Variants in C3orf38 observed in about 807,000 individuals in gnomAD.
The protein encoded by C3orf38 is chromosome 3 open reading frame 38, also known as uncharacterized protein C3orf38.
A neutral mutation model predicts 28.3 loss-of-function variants in C3orf38; 18 were observed. The observed-to-expected ratio is 0.64, with a 90% CI of 0.44 to 0.94. C3orf38 has a LOEUF of 0.94. C3orf38 is among the 40% of genes least tolerant of loss of function. C3orf38 has a pLI of 0.00. For synonymous variants in C3orf38, 145 were observed against 138.1 expected, an observed-to-expected ratio of 1.05 and a Z score of -0.35; for missense variants, 364 against 396.4, an observed-to-expected ratio of 0.92 and a Z score of 0.69.
rs540056417 is a variant in C3orf38, at chr3:88,153,483, C to T, written c.375+12C>T. ...ACCTATTTCAACAGGTAAAATAAAT[C>T]TTATGGTTGTATTCTGAACCTTTGT... On this transcript the variant is annotated intron_variant, in intron 2 of 2. Transcript: ENST00000318887. The T allele has an allele frequency of 1.2e-6, 2 of 1,613,196 alleles. No individual in the cohort carries two copies. The highest frequency in any genetic ancestry group is 2.7e-5 in the African/African-American group (2 of 74,954).
chr3:88,151,100 A>G (rs1208904382), intron 1 of C3orf38: 1 of 152,140 alleles, frequency 6.6e-6, no homozygotes, highest in African/African-American at 2.4e-5. Context: ...ATTATAATGG[A>G]TAAAATGCTG....
Position 88,157,398 on chromosome 3 carries a change from C to G in C3orf38, c.*763C>G, listed in dbSNP as rs1340331044. The G allele has an allele frequency of 6.6e-6, 1 of 152,102 alleles. No homozygotes were observed. The highest frequency in any genetic ancestry group is 1.5e-5 in the Non-Finnish European group (1 of 68,008). The allele number at this position is 152,102 out of a possible 1,614,324, so 9.4% of individuals were successfully genotyped here. A position where few individuals can be genotyped will look rare whatever the true frequency, so the allele number is the denominator to read the frequency against. On this transcript the variant is annotated 3_prime_UTR_variant, in exon 3 of 3. Transcript: ENST00000318887. ...GGCTTCAGACAACAGTTTTATAGAG[C>G]AGTTACTGTAATACAATATAAAGGA...
At chr3:88,155,195 A>G (rs1375421872) in intron 2 of C3orf38, among the ~76,000 whole-genome samples, 1 of 152,102 alleles carries the variant, frequency 6.6e-6, no homozygotes, top group Non-Finnish European at 1.5e-5. Context: ...GAGAAATAAT[A>G]GAATAAAATT....
rs536182921 is a variant in C3orf38 at position 88,157,904 on chromosome 3, G to A, written c.*1269G>A. 8 of 152,150 alleles carry A rather than the reference G, an allele frequency of 5.3e-5. No individual in the cohort carries two copies. In the South Asian group the frequency reaches 1.2e-3, roughly 24 times the overall value. The allele number at this position is 152,150 out of a possible 1,614,324, so 9.4% of individuals were successfully genotyped here. On this transcript the variant is annotated 3_prime_UTR_variant, in exon 3 of 3. Transcript: ENST00000318887. ...ATGCTATGCCTCTTACGAGGAATACGAATTGGTATGTCCTAAAATAAGAAC... is the reference window on the plus strand; with the variant it reads ...ATGCTATGCCTCTTACGAGGAATACAAATTGGTATGTCCTAAAATAAGAAC...
chr3:88,156,019 A>G lies in C3orf38; in HGVS notation c.376-2A>G, dbSNP rs1576370646. The G allele has an allele frequency of 2.6e-6, 4 of 1,523,792 alleles. No individual in the cohort carries two copies. Among genetic ancestry groups the G allele is most frequent in the Non-Finnish European group, 3.5e-6 (4 of 1,137,674 alleles). 94.4% of individuals were successfully genotyped at this position (1,523,792 alleles called of 1,614,324 possible). On this transcript the variant is annotated splice_acceptor_variant, in intron 2 of 2. Coordinates refer to ENST00000318887, the MANE Select transcript of C3orf38 (RefSeq NM_173824.4). LOFTEE classifies it high-confidence loss of function. ...TGTATTTATTTTATTTGTTTCAATC[A>G]GCAGGTGAAAGAAGATAAAAAAGCT... is the stretch of plus-strand genomic sequence containing the variant.
chr3:88,156,212 T>C lies in C3orf38; in HGVS notation c.567T>C (p.Val189=). The C allele has an allele frequency of 6.2e-7, 1 of 1,614,062 alleles. No individual in the cohort carries two copies. Among genetic ancestry groups the C allele is most frequent in the Non-Finnish European group, 8.5e-7 (1 of 1,180,004 alleles). Residue 189 remains valine, a synonymous_variant, in exon 3 of 3, where the codon GTT becomes GTC. Transcript: ENST00000318887. ...RFYYNTSEQN[V]MDYHGAEIVS... The stretch of plus-strand genomic sequence containing the variant: ...ATTACAACACATCAGAACAAAATGT[T>C]ATGGACTACCATGGAGCAGAAATCG...
rs1452937745 is a variant in C3orf38, at chr3:88,156,688, C to T, written c.*53C>T. ...AAAAGAGAACTGGGTTTACCTGACC[C>T]TCTAAAGCGCTAAGTACTGTCAGCC... On this transcript the variant is annotated 3_prime_UTR_variant, in exon 3 of 3. Transcript: ENST00000318887. 3 of 1,548,254 alleles carry T rather than the reference C, an allele frequency of 1.9e-6. No homozygotes were observed. The highest frequency in any genetic ancestry group is 4.5e-5 in the East Asian group (2 of 44,416).
intron 2 of C3orf38, among the ~76,000 whole-genome samples, 191 bp downstream of exon 2, chr3:88,153,662 T>C (rs1234151334): frequency 6.6e-6 from 1 of 151,858 alleles, no homozygotes; most frequent in African/African-American, 2.4e-5. Context: ...GCCTTGAACT[T>C]CTGGACTCAA....
chr3:88,150,542 G>C (rs1707395297), intron 1 of C3orf38: 1 of 165,268 alleles, frequency 6.1e-6, no homozygotes, highest in Non-Finnish European at 1.3e-5. Context: ...CTTCAAGTTT[G>C]AGTGGGAGGA....
At chr3:88,155,752 C>T (rs562966533) in intron 2 of C3orf38, among the ~76,000 whole-genome samples, 51 of 152,258 alleles carry the variant, frequency 3.3e-4, no homozygotes, top group Middle Eastern at 3.4e-3. Flanking sequence ...CCACCACGCC[C>T]GCCAAGTTCA....
At position 88,157,689 on chromosome 3, in the gene C3orf38, C is replaced by T. The variant is rs1707498538; in HGVS notation, c.*1054C>T. ...CATGCTTTGTTTAAATTCTTCATCA[C>T]CTAGCAACTGTTTGCTGATCATGGA... is the stretch of plus-strand genomic sequence containing the variant. On this transcript the variant is annotated 3_prime_UTR_variant, in exon 3 of 3. Coordinates refer to ENST00000318887, the MANE Select transcript of C3orf38 (RefSeq NM_173824.4). The T allele has an allele frequency of 6.6e-6, 1 of 152,088 alleles. No individual in the cohort carries two copies. The highest frequency in any genetic ancestry group is 6.5e-5 in the Admixed American group (1 of 15,270). 9.4% of individuals were successfully genotyped at this position (152,088 alleles called of 1,614,324 possible). A position where few individuals can be genotyped will look rare whatever the true frequency, so the allele number is the denominator to read the frequency against.
rs754037623 is a variant in C3orf38 at position 88,153,408 on chromosome 3, A to G, written c.312A>G (p.Gln104=). Residue 104 remains glutamine, a synonymous_variant, in exon 2 of 3, where the codon CAA becomes CAG. Transcript: ENST00000318887. ...AAGATTACTGGCAAAAGCAACCACAACTGAAATTGAAGGAAACGCCAGAGC... is the reference window on the plus strand; with the variant it reads ...AAGATTACTGGCAAAAGCAACCACAGCTGAAATTGAAGGAAACGCCAGAGC... ...HAKDYWQKQP[Q]LKLKETPEPV... 1.9e-5 allele frequency: 31 copies of G among 1,613,994 alleles called. No homozygotes were observed. Among genetic ancestry groups the G allele is most frequent in the Non-Finnish European group, 2.5e-5 (29 of 1,180,024 alleles).
At chr3:88,153,941 A>C (rs1402037159) in intron 2 of C3orf38, among the ~76,000 whole-genome samples, 1 of 152,178 alleles carries the variant, frequency 6.6e-6, no homozygotes, top group African/African-American at 2.4e-5. Flanking sequence ...CAGTAAAGCA[A>C]CTAAGAGCAA....
chr3:88,150,854 A>G (rs1392822034), intron 1 of C3orf38: 1 of 152,190 alleles, frequency 6.6e-6, no homozygotes. Context: ...CCAGATTCCC[A>G]TATTAGTATA....
intron 1 of C3orf38, 71 bp downstream of exon 1, chr3:88,150,256 A>G: frequency 7.7e-6 from 12 of 1,550,522 alleles, no homozygotes; most frequent in Non-Finnish European, 1.1e-5. Flanking sequence ...GCTTAGGCAG[A>G]ATCCTCGGGA....
intron 1 of C3orf38, 150 bp downstream of exon 1, chr3:88,150,335 G>C: frequency 1.1e-6 from 1 of 872,794 alleles, no homozygotes; most frequent in South Asian, 1.8e-5. Context: ...GGGTCAAGGC[G>C]GGGAGGTGGT....
chr3:88,150,239 C>G (rs1707387503), intron 1 of C3orf38, 54 bp downstream of exon 1: 1 of 1,600,150 alleles, frequency 6.2e-7, no homozygotes, highest in African/African-American at 1.3e-5. Context: ...GGCCTCACGC[C>G]TACCCCGCTT....
chr3:88,157,572 G>T lies in C3orf38; in HGVS notation c.*937G>T, dbSNP rs1707496647. On this transcript the variant is annotated 3_prime_UTR_variant, in exon 3 of 3. Transcript: ENST00000318887. ...AATGTGTGTATACACATATACATAAGTATACATATACTCCCACATTATAAC... is the reference window on the plus strand; with the variant it reads ...AATGTGTGTATACACATATACATAATTATACATATACTCCCACATTATAAC... The T allele has an allele frequency of 6.6e-6, 1 of 152,084 alleles. No homozygotes were observed. The allele number at this position is 152,084 out of a possible 1,614,324, so 9.4% of individuals were successfully genotyped here.
Position 88,156,122 on chromosome 3 carries a change from T to C in C3orf38, c.477T>C (p.Phe159=). Residue 159 remains phenylalanine (F), a synonymous_variant, in exon 3 of 3, where the codon TTT becomes TTC. Transcript: ENST00000318887. ...FFGLLNSQNP[F]LGPPQDEWGP... is the part of the protein sequence containing the mutation. Reference sequence around the variant, plus strand: ...GACTTCTTAATTCTCAGAATCCTTTTCTAGGACCACCTCAAGATGAATGGG... The same window carrying C: ...GACTTCTTAATTCTCAGAATCCTTTCCTAGGACCACCTCAAGATGAATGGG... The C allele has an allele frequency of 6.2e-7, 1 of 1,612,098 alleles. No homozygotes were observed. Among genetic ancestry groups the C allele is most frequent in the East Asian group, 2.2e-5 (1 of 44,872 alleles).
Sources: gnomAD v4.1 joint callset for allele counts (sites outside exome capture counted in the v4.1 genomes callset) on GRCh38, gnomAD v4.1.1 for gene constraint, MANE v1.5 for transcripts, NCBI Gene and HGNC (gene_info 2026-07-23, HGNC 2026-07-21) for gene names.